FUBP3: variants seen among roughly 807,000 people sequenced by gnomAD.
FUBP3 encodes far upstream element-binding protein 3.
Under a neutral mutation model 85.6 loss-of-function variants are expected in FUBP3, and 28 were observed. That is an observed-to-expected ratio of 0.33 (90% CI 0.24 to 0.45). FUBP3 has a LOEUF of 0.45. FUBP3 is among the 20% of genes least tolerant of loss of function. The pLI, the probability that FUBP3 is intolerant of heterozygous loss-of-function variation, is 1.00. For synonymous variants in FUBP3, 271 were observed against 271.4 expected, an observed-to-expected ratio of 1.00 and a Z score of 0.01; for missense variants, 583 against 755.1, an observed-to-expected ratio of 0.77 and a Z score of 2.67.
intron 16 of FUBP3, among the ~76,000 whole-genome samples, chr9:130,633,289 T>G (rs189737579): frequency 6.6e-6 from 1 of 152,370 alleles, no homozygotes; most frequent in Admixed American, 6.5e-5. Context: ...TAGAACACTC[T>G]GCAGTGAGCA....
chr9:130,628,088 ACG>A (rs1231236592), intron 12 of FUBP3, among the ~76,000 whole-genome samples: 127 of 128,142 alleles, frequency 9.9e-4, no homozygotes, highest in African/African-American at 3.6e-3. Flanking sequence ...AAACACACGC[ACG>A]CACGCACGCA....
chr9:130,603,346 C>CAAAAAAAAAAAAAA (rs1588132389), intron 2 of FUBP3, among the ~76,000 whole-genome samples: 1 of 34,888 alleles, frequency 2.9e-5, no homozygotes, highest in Admixed American at 3.3e-4. Context: ...GACTCTGTCT[C>CAAAAAAAAAAAAAA]CAAAAAAAAA....
Position 130,579,617 on chromosome 9 carries a change from AC to A in FUBP3, c.-62del, listed in dbSNP as rs1264112243. ...GTCCCCAAGCGGAGCGGGAGGCCGG[AC>A]CGGGGAGCCGAGCGGCGGCGTCGGC... On this transcript the variant is annotated 5_prime_UTR_variant, in exon 1 of 19. Coordinates refer to ENST00000319725, the MANE Select transcript of FUBP3 (RefSeq NM_003934.2). The A allele has an allele frequency of 1.9e-6, 2 of 1,036,132 alleles. No homozygotes were observed. Among genetic ancestry groups the A allele is most frequent in the Non-Finnish European group, 1.2e-6 (1 of 810,130 alleles). 64.2% of individuals were successfully genotyped at this position (1,036,132 alleles called of 1,614,324 possible).
intron 1 of FUBP3, chr9:130,580,585 C>T (rs1321851734): frequency 6.6e-6 from 1 of 152,076 alleles, no homozygotes; most frequent in East Asian, 1.9e-4. Flanking sequence ...GTCCTCCTCT[C>T]TTCTTATGTA....
At chr9:130,588,150 C>G (rs953792284) in intron 1 of FUBP3, among the ~76,000 whole-genome samples, 1 of 152,050 alleles carries the variant, frequency 6.6e-6, no homozygotes, top group African/African-American at 2.4e-5. Flanking sequence ...ACAAAACTCC[C>G]GGGGAGTGGC....
intron 8 of FUBP3, 122 bp downstream of exon 8, chr9:130,618,017 T>G (rs1677083769): frequency 3.5e-6 from 2 of 570,768 alleles, no homozygotes; most frequent in Non-Finnish European, 3.2e-6. Flanking sequence ...GAAGGTAAAC[T>G]GTTCTCAACA....
At chr9:130,605,808 AC>A (rs1225758351) in intron 2 of FUBP3, among the ~76,000 whole-genome samples, 1 of 152,124 alleles carries the variant, frequency 6.6e-6, no homozygotes, top group Non-Finnish European at 1.5e-5. Context: ...ACATGGTAAA[AC>A]CCCATCTCTA....
chr9:130,580,227 T>A (rs1450532663), intron 1 of FUBP3, among the ~76,000 whole-genome samples: 1 of 152,214 alleles, frequency 6.6e-6, no homozygotes, highest in African/African-American at 2.4e-5. Flanking sequence ...GCATCTTATA[T>A]GTGAGGGTGC....
At chr9:130,590,972 A>G (rs185057533) in intron 1 of FUBP3, among the ~76,000 whole-genome samples, 140 of 150,326 alleles carry the variant, frequency 9.3e-4, no homozygotes, top group Non-Finnish European at 1.6e-3. Flanking sequence ...CTGGGTTTGA[A>G]TACTGTTTCT....
Position 130,612,831 on chromosome 9 carries a change from G to A in FUBP3, c.275-125G>A, listed in dbSNP as rs111887532. 1.6e-4 allele frequency: 115 copies of A among 704,610 alleles called. No homozygotes were observed. The Middle Eastern group carries it at 1.7e-3, about 10-fold the overall frequency. 43.6% of individuals were successfully genotyped at this position (704,610 alleles called of 1,614,324 possible). A position where few individuals can be genotyped will look rare whatever the true frequency, so the allele number is the denominator to read the frequency against. On this transcript the variant is annotated intron_variant, in intron 4 of 18. Coordinates refer to ENST00000319725, the MANE Select transcript of FUBP3 (RefSeq NM_003934.2). This position sits in a 1 kb window ranked among gnomAD's most constrained non-coding sequence, Gnocchi z 4.1. ...GCCCAAAGAGTGGAGATGGGCTCAC[G>A]GGGGCCAACTCGATGTGTAGTATTG...
In FUBP3 at chr9:130,622,764, C is replaced by T; in HGVS notation, c.828C>T (p.Ile276=). Reference sequence around the variant, plus strand: ...TAATAGGAAGAAACGGGGAAATGATCAAAAAGATCCAGAATGATGCTGGTG... The same window carrying T: ...TAATAGGAAGAAACGGGGAAATGATTAAAAAGATCCAGAATGATGCTGGTG... ...GIVIGRNGEM[I]KKIQNDAGVR... Residue 276 remains isoleucine (I), a synonymous_variant, in exon 10 of 19, where the codon ATC becomes ATT. Transcript: ENST00000319725. 1 of 1,596,036 alleles carries T rather than the reference C, an allele frequency of 6.3e-7. No individual in the cohort carries two copies. Among genetic ancestry groups the T allele is most frequent in the Non-Finnish European group, 8.6e-7 (1 of 1,168,436 alleles).
chr9:130,627,658 T>A (rs1321626374), intron 12 of FUBP3, among the ~76,000 whole-genome samples: 1 of 151,874 alleles, frequency 6.6e-6, no homozygotes, highest in Admixed American at 6.6e-5. Flanking sequence ...CTGGTGAGTG[T>A]TTGGGGATAT....
intron 2 of FUBP3, among the ~76,000 whole-genome samples, chr9:130,601,644 A>G (rs1334262199): frequency 6.6e-6 from 1 of 151,796 alleles, no homozygotes; most frequent in Non-Finnish European, 1.5e-5. Flanking sequence ...TTACTTCATG[A>G]CCTGCTGAAG....
Position 130,579,660 on chromosome 9 carries a change from G to A in FUBP3, c.-21G>A. 1 of 1,203,344 alleles carries A rather than the reference G, an allele frequency of 8.3e-7. No individual in the cohort carries two copies. The highest frequency in any genetic ancestry group is 1.0e-6 in the Non-Finnish European group (1 of 957,282). The allele number at this position is 1,203,344 out of a possible 1,614,324, so 74.5% of individuals were successfully genotyped here. A position where few individuals can be genotyped will look rare whatever the true frequency, so the allele number is the denominator to read the frequency against. ...GGCGTCGGCGGCGTCGGCGGCGGCGGCGACGGCGGCGGGGGCGGTAATGGC... is the reference window on the plus strand; with the variant it reads ...GGCGTCGGCGGCGTCGGCGGCGGCGACGACGGCGGCGGGGGCGGTAATGGC... On this transcript the variant is annotated 5_prime_UTR_variant, in exon 1 of 19. Transcript: ENST00000319725.
At chr9:130,586,315 A>G (rs1384364800) in intron 1 of FUBP3, among the ~76,000 whole-genome samples, 4 of 152,238 alleles carry the variant, frequency 2.6e-5, no homozygotes, top group Non-Finnish European at 2.9e-5. Context: ...TAAGTAAGAC[A>G]AGTTTGTAAG....
rs187520242 is a variant in FUBP3 at position 130,623,881 on chromosome 9, T to G, written c.975+170T>G. Among the ~76,000 whole-genome samples, 9 of 152,352 alleles carry G rather than the reference T, an allele frequency of 5.9e-5. No homozygotes were observed. The East Asian group carries it at 1.3e-3, about 23-fold the overall frequency. ...CTCTTTCCTGCCTTCTTGGTATTTT[T>G]TTCTGCTCATTAATTATTCTGCCTT... is the stretch of plus-strand genomic sequence containing the variant. On this transcript the variant is annotated intron_variant, in intron 11 of 18. Coordinates refer to ENST00000319725, the MANE Select transcript of FUBP3 (RefSeq NM_003934.2).
chr9:130,633,880 C>T (rs567766940), intron 16 of FUBP3, among the ~76,000 whole-genome samples: 1 of 152,298 alleles, frequency 6.6e-6, no homozygotes, highest in East Asian at 1.9e-4. Context: ...GTGGTTTGCC[C>T]TTCCTCCCTG....
At chr9:130,602,489 G>C (rs184276541) in intron 2 of FUBP3, among the ~76,000 whole-genome samples, 6 of 152,234 alleles carry the variant, frequency 3.9e-5, no homozygotes, top group Admixed American at 1.3e-4. Flanking sequence ...GGAGGTACAA[G>C]TGCTAGCGGT....
intron 1 of FUBP3, among the ~76,000 whole-genome samples, chr9:130,587,051 TTTTG>T (rs1404043523): frequency 2.1e-5 from 2 of 93,042 alleles, no homozygotes; most frequent in African/African-American, 1.0e-4. Flanking sequence ...ACCCGGCGTT[TTTTG>T]TTTTTTTTTT....
Sources: gnomAD v4.1 joint callset for allele counts (sites outside exome capture counted in the v4.1 genomes callset) on GRCh38, gnomAD v4.1.1 for gene constraint, Gnocchi (gnomAD v3.1) non-coding constraint, MANE v1.5 for transcripts, NCBI Gene and HGNC (gene_info 2026-07-23, HGNC 2026-07-21) for gene names.